The following ACBD5 variants were observed in gnomAD, a reference collection of about 807,000 sequenced individuals.
ACBD5 encodes acyl-CoA binding domain containing 5, also known as acyl-CoA-binding domain-containing protein 5.
A neutral mutation model predicts 71.8 loss-of-function variants in ACBD5; 40 were observed. The observed-to-expected ratio is 0.56, with a 90% CI of 0.43 to 0.72. The LOEUF is 0.72. Among genes scored for constraint, ACBD5 ranks in the 30% least tolerant of loss-of-function variants. The pLI is 0.00. For synonymous variants in ACBD5, 229 were observed against 218.6 expected (o/e 1.05, Z -0.42); for missense variants, 559 against 644.5 (o/e 0.87, Z 1.44).
At chr10:27,183,359 C>T (rs944770748) in intron 13 of ACBD5, among the ~76,000 whole-genome samples, 1 of 152,120 alleles carries the variant, frequency 6.6e-6, no homozygotes, top group Admixed American at 6.6e-5. Context: ...TCTCGGCTCA[C>T]TGCAACCTCC....
In ACBD5 at chr10:27,240,748, T is replaced by G. The variant is rs2065397175; in HGVS notation, c.-60A>C. 1.9e-6 allele frequency: 3 copies of G among 1,549,502 alleles called. No homozygotes were observed. Among genetic ancestry groups the G allele is most frequent in the Non-Finnish European group, 2.6e-6 (3 of 1,146,740 alleles). On this transcript the variant is annotated 5_prime_UTR_variant, in exon 1 of 13. Transcript: ENST00000396271. This position sits in a 1 kb window ranked among gnomAD's most constrained non-coding sequence, Gnocchi z 4.1. ...TGGCCGCGGAGCCGCTCTCCCACCC[T>G]GGGGACCCTGGCGGAGCAGCCACAC... is the stretch of plus-strand genomic sequence containing the variant.
chr10:27,199,286 G>A (rs1051181179), intron 12 of ACBD5, among the ~76,000 whole-genome samples: 1 of 151,420 alleles, frequency 6.6e-6, no homozygotes, highest in Non-Finnish European at 1.5e-5. Context: ...CACCTCCTAG[G>A]TTCAAGCTAT....
chr10:27,220,545 C>T (rs1455106223), intron 5 of ACBD5: 1 of 152,070 alleles, frequency 6.6e-6, no homozygotes, highest in Non-Finnish European at 1.5e-5. Flanking sequence ...CATTTGTTAC[C>T]AATGCTGTTG....
At chr10:27,199,156 G>A (rs1029614099) in intron 12 of ACBD5, among the ~76,000 whole-genome samples, 3 of 150,840 alleles carry the variant, frequency 2.0e-5, no homozygotes, top group Admixed American at 6.6e-5. Context: ...AATTAAAAAG[G>A]GCAGAAAATT....
chr10:27,208,240 G>A lies in ACBD5; in HGVS notation c.1404+6C>T. ...ACAAGAAGGTATGATACATTTGGAA[G>A]TTTACCTGCAAAGCAGTCAGCGTTT... is the stretch of plus-strand genomic sequence containing the variant. On this transcript the variant is annotated splice_donor_region_variant and intron_variant, in intron 10 of 12. Transcript: ENST00000396271. The A allele has an allele frequency of 6.2e-7, 1 of 1,614,004 alleles. No individual in the cohort carries two copies. Among genetic ancestry groups the A allele is most frequent in the Non-Finnish European group, 8.5e-7 (1 of 1,179,898 alleles).
At chr10:27,211,723 C>T (rs1176085958) in intron 8 of ACBD5, among the ~76,000 whole-genome samples, 1 of 152,046 alleles carries the variant, frequency 6.6e-6, no homozygotes, top group African/African-American at 2.4e-5. Context: ...TCAAAGCAAG[C>T]TTATTTAGAA....
At chr10:27,236,247 C>A (rs2064676153) in intron 2 of ACBD5, among the ~76,000 whole-genome samples, 1 of 151,632 alleles carries the variant, frequency 6.6e-6, no homozygotes, top group South Asian at 2.1e-4. Context: ...TATAACAGGA[C>A]AATTTATAAC....
intron 4 of ACBD5, among the ~76,000 whole-genome samples, chr10:27,228,555 C>T (rs969531237): frequency 6.6e-6 from 1 of 151,166 alleles, no homozygotes; most frequent in Non-Finnish European, 1.5e-5. Context: ...CTAGCCCAGG[C>T]GACAGTGCGA....
rs540126447 is a variant in ACBD5, at chr10:27,206,315, A to C, written c.1405-1067T>G. 7.8e-4 allele frequency among the ~76,000 whole-genome samples: 118 copies of C among 152,206 alleles called. 1 individual carries two copies. In the South Asian group the frequency reaches 0.014, roughly 18 times the overall value. ...GAATATATGTAAAATATTCTTTAAA[A>C]AAAAAAAAACATAGAGCATGCCAGG... On this transcript the variant is annotated intron_variant, in intron 10 of 12. Transcript: ENST00000396271.
At chr10:27,185,327 G>A (rs1444228267) in intron 13 of ACBD5, among the ~76,000 whole-genome samples, 2 of 152,028 alleles carry the variant, frequency 1.3e-5, no homozygotes, top group African/African-American at 2.4e-5. Flanking sequence ...CCTGAGTCAG[G>A]GATTCTTTAA....
intron 11 of ACBD5, 75 bp from the exon 12 acceptor site, chr10:27,204,624 T>C: frequency 1.9e-6 from 2 of 1,059,806 alleles, no homozygotes; most frequent in Non-Finnish European, 2.9e-6. Context: ...ACCTAATTCA[T>C]AATTTTGAAA....
Position 27,240,564 on chromosome 10 carries a change from G to A in ACBD5, c.16-80C>T. ...GAGCGAAGCGGGTCAGTTCCCCTTT[G>A]CCCTGCCCTATCCAGGCCACACAGA... On this transcript the variant is annotated intron_variant, in intron 1 of 12. Transcript: ENST00000396271. The surrounding 1 kb of genome is among the most constrained non-coding windows in gnomAD (Gnocchi z 4.1). 1 of 1,551,064 alleles carries A rather than the reference G, an allele frequency of 6.4e-7. No individual in the cohort carries two copies. Among genetic ancestry groups the A allele is most frequent in the Non-Finnish European group, 8.7e-7 (1 of 1,146,698 alleles).
chr10:27,210,617 GCA>G (rs2060963102), intron 9 of ACBD5, among the ~76,000 whole-genome samples, 195 bp downstream of exon 9: 2 of 152,132 alleles, frequency 1.3e-5, no homozygotes, highest in African/African-American at 2.4e-5. Flanking sequence ...AATTAGCCAG[GCA>G]TGGTGGTGGG....
intron 13 of ACBD5, chr10:27,186,520 C>T: frequency 6.2e-7 from 1 of 1,614,028 alleles, no homozygotes. Flanking sequence ...CTGACTGTAT[C>T]TGGATTTAGT....
intron 2 of ACBD5, among the ~76,000 whole-genome samples, chr10:27,237,570 G>C (rs994550670): frequency 6.6e-6 from 1 of 150,730 alleles, no homozygotes; most frequent in Non-Finnish European, 1.5e-5. Context: ...AGTTTCAGGG[G>C]ATAACAGTAT....
chr10:27,238,778 TTGATAATTAA>T (rs146831244), intron 2 of ACBD5, among the ~76,000 whole-genome samples: 12,048 of 152,192 alleles, frequency 0.079, 1,552 homozygotes, highest in African/African-American at 0.27. Context: ...ATTGAAATTA[TTGATAATTAA>T]TGATAATTAA....
rs191666353 is a variant in ACBD5 at position 27,240,069 on chromosome 10, C to T, written c.181+250G>A. 1.1e-4 allele frequency among the ~76,000 whole-genome samples: 17 copies of T among 152,168 alleles called. 1 individual carries two copies. Among genetic ancestry groups the T allele is most frequent in the Admixed American group, 1.0e-3 (16 of 15,284 alleles). On this transcript the variant is annotated intron_variant, in intron 2 of 12. Coordinates refer to ENST00000396271, the MANE Select transcript of ACBD5 (RefSeq NM_145698.5). The surrounding 1 kb of genome is among the most constrained non-coding windows in gnomAD (Gnocchi z 4.1). ...GGCCCGGATTTATTTTTTAACACAC[C>T]CAAATCCGCAGTCATTAAGTGACAA... is the stretch of plus-strand genomic sequence containing the variant.
chr10:27,223,484 C>A, intron 4 of ACBD5, 32 bp from the exon 5 acceptor site: 1 of 1,489,858 alleles, frequency 6.7e-7, no homozygotes, highest in South Asian at 1.1e-5. Flanking sequence ...ATTGTGAAAT[C>A]ACAAACTCTT....
chr10:27,216,163 T>G (rs1277593365), intron 7 of ACBD5, among the ~76,000 whole-genome samples: 1 of 144,602 alleles, frequency 6.9e-6, no homozygotes, highest in Non-Finnish European at 1.5e-5. Flanking sequence ...GTTTTTGAGA[T>G]GGAGTCTCGT....
Sources: allele counts gnomAD v4.1 joint callset (sites outside exome capture counted in the v4.1 genomes callset), GRCh38; gene constraint gnomAD v4.1.1; non-coding constraint Gnocchi (gnomAD v3.1); transcripts MANE v1.5; gene names NCBI Gene and HGNC (gene_info 2026-07-23, HGNC 2026-07-21).